The following TBC1D1 variants were observed in gnomAD, a reference collection of about 807,000 sequenced individuals.
TBC1D1 encodes the protein TBC1 (tre-2/USP6, BUB2, cdc16) domain family, member 1.
A neutral mutation model predicts 125.6 loss-of-function variants in TBC1D1; 89 were observed. That is an observed-to-expected ratio of 0.71 (90% CI 0.60 to 0.85). TBC1D1 has a LOEUF of 0.85. Among genes scored for constraint, TBC1D1 ranks in the 40% least tolerant of loss-of-function variants. TBC1D1 has a pLI of 0.00. For missense variants in TBC1D1, 1,377 were observed against 1,469.2 expected (o/e 0.94, Z 1.03); for synonymous variants, 565 against 564.1 (o/e 1.00, Z -0.02).
intron 2 of TBC1D1, among the ~76,000 whole-genome samples, chr4:37,908,471 G>GT (rs968689865): frequency 4.6e-5 from 7 of 152,308 alleles, no homozygotes; most frequent in African/African-American, 1.7e-4. Context: ...CTCCCAAAAT[G>GT]TTGGGATTAC....
rs1436221511 is a variant in TBC1D1 at position 37,977,766 on chromosome 4, G to A, written c.418-36743G>A. ...CCATTTCACAGTTGGGGAGACTGAG[G>A]CTGTACTCGGGGACCCCTGCGGGAG... On this transcript the variant is annotated intron_variant, in intron 2 of 19. Transcript: ENST00000261439. The surrounding 1 kb of genome is among the most constrained non-coding windows in gnomAD (Gnocchi z 4.3). Among the ~76,000 whole-genome samples, 1 of 152,080 alleles carries A rather than the reference G, an allele frequency of 6.6e-6. No homozygotes were observed. Among genetic ancestry groups the A allele is most frequent in the Non-Finnish European group, 1.5e-5 (1 of 68,004 alleles).
At chr4:38,109,329 TG>T (rs983369543) in intron 15 of TBC1D1, among the ~76,000 whole-genome samples, 32 of 152,358 alleles carry the variant, frequency 2.1e-4, no homozygotes, top group African/African-American at 7.7e-4. Context: ...CATATTTATT[TG>T]GTCATTCTGA....
chr4:37,973,280 G>C (rs553622423), intron 2 of TBC1D1, among the ~76,000 whole-genome samples: 20 of 152,240 alleles, frequency 1.3e-4, no homozygotes, highest in African/African-American at 4.8e-4. Flanking sequence ...CTCTACCCTG[G>C]ATGTGTATAT....
intron 11 of TBC1D1, among the ~76,000 whole-genome samples, chr4:38,052,724 G>GTGCGCACA (rs1362899510): frequency 1.7e-5 from 1 of 59,962 alleles, no homozygotes; most frequent in Admixed American, 2.1e-4. Context: ...GCGCGCGCGC[G>GTGCGCACA]CGCGCACACA....
chr4:37,929,912 G>A (rs1722921518), intron 2 of TBC1D1, among the ~76,000 whole-genome samples: 1 of 152,092 alleles, frequency 6.6e-6, no homozygotes. Context: ...ATACAAAAAA[G>A]GCAGAGGAGT....
At chr4:37,891,748 A>G (rs901492034) in intron 1 of TBC1D1, among the ~76,000 whole-genome samples, 125 of 147,342 alleles carry the variant, frequency 8.5e-4, no homozygotes, top group African/African-American at 3.0e-3. Context: ...TTAAAAGTTC[A>G]GGGTACTTTG....
intron 15 of TBC1D1, among the ~76,000 whole-genome samples, chr4:38,108,613 C>T (rs939914102): frequency 1.3e-5 from 2 of 152,172 alleles, no homozygotes; most frequent in Non-Finnish European, 2.9e-5. Context: ...CCTGTGCTGC[C>T]GCGAGACGCT....
intron 2 of TBC1D1, among the ~76,000 whole-genome samples, chr4:37,969,981 T>C (rs1008704242): frequency 2.6e-5 from 4 of 152,246 alleles, no homozygotes; most frequent in African/African-American, 4.8e-5. Context: ...GGATATTTCA[T>C]ATAAATAGAA....
At chr4:38,075,763 T>C (rs1288050111) in intron 12 of TBC1D1, among the ~76,000 whole-genome samples, 1 of 152,080 alleles carries the variant, frequency 6.6e-6, no homozygotes, top group East Asian at 1.9e-4. Flanking sequence ...TATAGTAGTT[T>C]ATCTCTTGTC....
chr4:38,100,643 TAA>T (rs1170467738), intron 14 of TBC1D1, among the ~76,000 whole-genome samples: 1 of 152,068 alleles, frequency 6.6e-6, no homozygotes, highest in Non-Finnish European at 1.5e-5. Context: ...AATGCTGAGA[TAA>T]AATTACAGAA....
intron 12 of TBC1D1, among the ~76,000 whole-genome samples, chr4:38,068,391 CCTG>C (rs926957221): frequency 9.2e-5 from 14 of 152,164 alleles, no homozygotes; most frequent in African/African-American, 3.4e-4. Flanking sequence ...CCAGGACACT[CCTG>C]CTCGTTTTCT....
chr4:38,034,858 T>G (rs1438052815), intron 7 of TBC1D1, among the ~76,000 whole-genome samples: 1 of 152,240 alleles, frequency 6.6e-6, no homozygotes, highest in African/African-American at 2.4e-5. Context: ...AAAAATTCAC[T>G]CTGGCATTTC....
intron 13 of TBC1D1, among the ~76,000 whole-genome samples, chr4:38,090,678 T>C (rs1578652053): frequency 6.6e-6 from 1 of 152,362 alleles, no homozygotes; most frequent in East Asian, 1.9e-4. Flanking sequence ...ATGCTGACAC[T>C]GGAACCAATT....
chr4:38,118,612 TCCC>T, intron 17 of TBC1D1: 1 of 159,342 alleles, frequency 6.3e-6, no homozygotes, highest in Non-Finnish European at 1.4e-5. Flanking sequence ...CATCTCTTCC[TCCC>T]CTTTCTCTTC....
chr4:37,998,099 T>C (rs1470657285), intron 2 of TBC1D1, among the ~76,000 whole-genome samples: 1 of 152,208 alleles, frequency 6.6e-6, no homozygotes, highest in East Asian at 1.9e-4. Flanking sequence ...CTTTACCTTC[T>C]AGATAGTTCT....
intron 2 of TBC1D1, among the ~76,000 whole-genome samples, chr4:37,913,639 A>ATG (rs150050860): frequency 0.061 from 9,136 of 150,478 alleles, 378 homozygotes; most frequent in Middle Eastern, 0.1. Context: ...ATATATATAT[A>ATG]TGTGTGTGTG....
intron 2 of TBC1D1, among the ~76,000 whole-genome samples, chr4:37,994,651 G>A: frequency 6.6e-6 from 1 of 152,106 alleles, no homozygotes; most frequent in East Asian, 1.9e-4. Context: ...CTCTGTTCAT[G>A]CATTTTATGA....
rs139903659 is a variant in TBC1D1 at position 38,077,764 on chromosome 4, G to A, written c.2051-12168G>A. Among the ~76,000 whole-genome samples the A allele has an allele frequency of 6.6e-4, 100 of 151,948 alleles. 2 individuals are homozygous for A. In the East Asian group the frequency reaches 0.016, roughly 25 times the overall value. On this transcript the variant is annotated intron_variant, in intron 12 of 19. Transcript: ENST00000261439. Reference sequence around the variant, plus strand: ...TCTCCCTTGTCTTCTGGATGTTCAAGCGATTTTAATTAGATGTTGGGCTTT... The same window carrying A: ...TCTCCCTTGTCTTCTGGATGTTCAAACGATTTTAATTAGATGTTGGGCTTT...
intron 12 of TBC1D1, among the ~76,000 whole-genome samples, chr4:38,085,561 G>T (rs1757346471): frequency 6.6e-6 from 1 of 152,114 alleles, no homozygotes; most frequent in Admixed American, 6.6e-5. Flanking sequence ...CACCAACACA[G>T]TTGGCCCATG....
Sources: allele counts gnomAD v4.1 joint callset (sites outside exome capture counted in the v4.1 genomes callset), GRCh38; gene constraint gnomAD v4.1.1; non-coding constraint Gnocchi (gnomAD v3.1); transcripts MANE v1.5; gene names NCBI Gene and HGNC (gene_info 2026-07-23, HGNC 2026-07-21).